Variants in IQSEC1 observed in about 807,000 individuals in gnomAD.
IQSEC1 encodes IQ motif and Sec7 domain ArfGEF 1, also known as IQ motif and SEC7 domain-containing protein 1.
Under a neutral mutation model 91.0 loss-of-function variants are expected in IQSEC1, and 31 were observed. The ratio of observed to expected loss-of-function variants is 0.34; its 90% CI spans 0.26 to 0.46. The LOEUF (loss-of-function observed/expected upper bound fraction) is 0.46, where lower values mean the gene tolerates loss of function less well. Ranked by LOEUF, IQSEC1 falls within the 20% of genes least tolerant of loss-of-function variation. The pLI, the probability that IQSEC1 is intolerant of heterozygous loss-of-function variation, is 1.00. For missense variants in IQSEC1, 1,388 were observed against 1,575.6 expected (o/e 0.88, Z 2.02); for synonymous variants, 699 against 662.6 (o/e 1.05, Z -0.84).
Position 13,155,853 on chromosome 3 carries a change from GA to G in IQSEC1, c.302+8250del, listed in dbSNP as rs550955094. On this transcript the variant is annotated intron_variant, in intron 2 of 15. Transcript: ENST00000648114. ...CTGTAATGCATACCAGAATTAAGAG[GA>G]AAAAAAACACATGGCCATCTTAATT... 4.7e-3 allele frequency among the ~76,000 whole-genome samples: 707 copies of G among 151,528 alleles called. 5 individuals are homozygous for G. The highest frequency in any genetic ancestry group is 0.016 in the African/African-American group (682 of 41,342).
At chr3:13,261,473 G>A (rs1241451231) in intron 1 of IQSEC1, among the ~76,000 whole-genome samples, 23 of 152,118 alleles carry the variant, frequency 1.5e-4, no homozygotes. Flanking sequence ...AGCTCCCAGT[G>A]TATCCCCTTT....
At chr3:13,075,782 T>C (rs1705553129), upstream of IQSEC1, among the ~76,000 whole-genome samples, 1 of 152,198 alleles carries the variant, frequency 6.6e-6, no homozygotes, top group South Asian at 2.1e-4. Flanking sequence ...TGACATTCAA[T>C]ATCCAGCGCC....
intron 1 of IQSEC1, among the ~76,000 whole-genome samples, chr3:13,221,780 C>T (rs534380580): frequency 6.6e-6 from 1 of 152,370 alleles, no homozygotes; most frequent in African/African-American, 2.4e-5. Context: ...GCATCTGCCA[C>T]AAAACCGGGA....
At position 12,901,348 on chromosome 3, in the gene IQSEC1, G is replaced by A; in HGVS notation, c.2980C>T (p.Pro994Ser). ...AHLPSAPALP[P>S]PHPPVVLPHL... ...GGCAGGACCACCGGTGGGTGGGGGG[G>A]TGGCAGGGCTGGGGCTGAGGGCAGG... The change falls in exon 14 of 14, where the codon CCC becomes TCC. Residue 994 changes from proline (P) to serine (S), a missense_variant. By Grantham distance (74) the Pro-to-Ser change is moderately conservative (BLOSUM62 -1). Coordinates refer to ENST00000613206, the MANE Select transcript of IQSEC1 (RefSeq NM_001134382.3). 3 of 1,528,966 alleles carry A rather than the reference G, an allele frequency of 2.0e-6. No individual in the cohort carries two copies. The highest frequency in any genetic ancestry group is 1.2e-5 in the South Asian group (1 of 83,644). 94.7% of individuals were successfully genotyped at this position (1,528,966 alleles called of 1,614,324 possible).
intron 1 of IQSEC1, among the ~76,000 whole-genome samples, chr3:13,055,813 G>A (rs1003672528): frequency 2.5e-4 from 38 of 152,172 alleles, no homozygotes; most frequent in African/African-American, 8.7e-4. Context: ...AACTTGCAGA[G>A]TGACCTCGGA....
chr3:13,159,036 C>T (rs913892272), intron 2 of IQSEC1, among the ~76,000 whole-genome samples: 9 of 152,090 alleles, frequency 5.9e-5, no homozygotes, highest in South Asian at 2.1e-4. Flanking sequence ...ATGAAGGGTA[C>T]GTGTCTGCCA....
At chr3:13,053,473 C>A (rs1253820823) in intron 1 of IQSEC1, among the ~76,000 whole-genome samples, 1 of 152,230 alleles carries the variant, frequency 6.6e-6, no homozygotes, top group African/African-American at 2.4e-5. Flanking sequence ...TGGCCAAAGG[C>A]AGCTCTGAGC....
intron 2 of IQSEC1, among the ~76,000 whole-genome samples, chr3:13,159,539 C>T (rs1374871732): frequency 2.0e-5 from 3 of 152,322 alleles, no homozygotes; most frequent in East Asian, 3.9e-4. Flanking sequence ...CACTGACTTG[C>T]GAAGGCTTTG....
chr3:13,071,812 C>A (rs1244730573), intron 1 of IQSEC1, among the ~76,000 whole-genome samples: 1 of 147,442 alleles, frequency 6.8e-6, no homozygotes, highest in Non-Finnish European at 1.5e-5. Flanking sequence ...CCACTGCCAT[C>A]CCCCAAACCA....
rs557767350 is a variant in IQSEC1 at position 13,202,467 on chromosome 3, A to G, written c.273-38334T>C. Among the ~76,000 whole-genome samples the G allele has an allele frequency of 3.3e-5, 5 of 152,354 alleles. No individual in the cohort carries two copies. In the East Asian group the frequency reaches 7.7e-4, roughly 23 times the overall value. ...CCCATCCTTATAGTCAGCCTTAAAA[A>G]GGAAGGAAATTCAACATGGATGAAC... On this transcript the variant is annotated intron_variant, in intron 1 of 15. Coordinates refer to the IQSEC1 transcript ENST00000648114.
At chr3:13,261,085 C>T (rs908929544) in intron 1 of IQSEC1, among the ~76,000 whole-genome samples, 5 of 152,364 alleles carry the variant, frequency 3.3e-5, no homozygotes, top group African/African-American at 1.2e-4. Context: ...GAGGACATGG[C>T]ACTTGATTTG....
At chr3:12,942,967 T>C (rs1030489536) in intron 1 of IQSEC1, among the ~76,000 whole-genome samples, 1 of 152,202 alleles carries the variant, frequency 6.6e-6, no homozygotes, top group African/African-American at 2.4e-5. Context: ...CCTCCAGAAT[T>C]GTGTGACAAT....
In IQSEC1 at chr3:13,073,421, G is replaced by T. The variant is rs1705501035; in HGVS notation, c.-407C>A. ...AGAAGGCTGCCCCGGGTTTGCTCTC[G>T]CAGCATCCGGAGAAGGGGCGGGCGC... On this transcript the variant is annotated 5_prime_UTR_variant, in exon 1 of 14. Transcript: ENST00000613206. Among the ~76,000 whole-genome samples, 1 of 152,130 alleles carries T rather than the reference G, an allele frequency of 6.6e-6. No individual in the cohort carries two copies. Among genetic ancestry groups the T allele is most frequent in the Non-Finnish European group, 1.5e-5 (1 of 68,000 alleles).
intron 2 of IQSEC1, among the ~76,000 whole-genome samples, chr3:13,094,633 C>T (rs1226877089): frequency 6.6e-6 from 1 of 152,142 alleles, no homozygotes; most frequent in African/African-American, 2.4e-5. Context: ...CCACCATTCC[C>T]CTCATAATAC....
At chr3:13,042,733 C>G (rs956164462) in intron 1 of IQSEC1, among the ~76,000 whole-genome samples, 1 of 152,118 alleles carries the variant, frequency 6.6e-6, no homozygotes, top group Non-Finnish European at 1.5e-5. Flanking sequence ...GATGCTAGGG[C>G]TCCTGACGGT....
intron 1 of IQSEC1, among the ~76,000 whole-genome samples, chr3:12,988,265 A>C (rs1027367169): frequency 2.6e-5 from 4 of 152,098 alleles, no homozygotes; most frequent in Non-Finnish European, 5.9e-5. Flanking sequence ...AATACAAAAA[A>C]TTAGCCAGGC....
intron 2 of IQSEC1, among the ~76,000 whole-genome samples, chr3:13,081,096 T>A (rs1705641289): frequency 6.6e-6 from 1 of 152,154 alleles, no homozygotes. Flanking sequence ...CCTTGATGAC[T>A]GCGTAAAAAA....
intron 1 of IQSEC1, among the ~76,000 whole-genome samples, chr3:13,036,427 A>T (rs1370845674): frequency 6.6e-6 from 1 of 152,246 alleles, no homozygotes; most frequent in African/African-American, 2.4e-5. Flanking sequence ...ATAAACACTC[A>T]AAGAAAGTAA....
intron 12 of IQSEC1, among the ~76,000 whole-genome samples, chr3:12,904,066 C>T (rs776869884): frequency 2.4e-4 from 36 of 152,232 alleles, no homozygotes; most frequent in Non-Finnish European, 2.8e-4. Flanking sequence ...CACTGTGCCC[C>T]GTCCCCAGCC....
Sources: allele counts gnomAD v4.1 joint callset (sites outside exome capture counted in the v4.1 genomes callset), GRCh38; gene constraint gnomAD v4.1.1; transcripts MANE v1.5; gene names NCBI Gene and HGNC (gene_info 2026-07-23, HGNC 2026-07-21).